The following TMEM131 variants were observed in gnomAD, a reference collection of about 807,000 sequenced individuals.
TMEM131 encodes transmembrane protein 131.
TMEM131 carries 66 observed loss-of-function variants against 211.6 expected under a neutral mutation model. The ratio of observed to expected loss-of-function variants is 0.31; its 90% CI spans 0.26 to 0.38. The LOEUF (loss-of-function observed/expected upper bound fraction) is 0.38. Ranked by LOEUF, TMEM131 falls within the 10% of genes least tolerant of loss-of-function variation. The pLI is 1.00. For missense variants in TMEM131, 2,036 were observed against 2,299.3 expected (o/e 0.89, Z 2.34); for synonymous variants, 844 against 841.3 (o/e 1.00, Z -0.06).
At chr2:97,831,311 G>A (rs540793348) in intron 11 of TMEM131, among the ~76,000 whole-genome samples, 2 of 152,194 alleles carry the variant, frequency 1.3e-5, no homozygotes, top group Non-Finnish European at 2.9e-5. Flanking sequence ...CAGAGTTCCA[G>A]AGAGCCCTGA....
At chr2:97,904,072 G>A (rs1364823696) in intron 3 of TMEM131, among the ~76,000 whole-genome samples, 1 of 152,134 alleles carries the variant, frequency 6.6e-6, no homozygotes, top group African/African-American at 2.4e-5. Context: ...CTAAAGAGAA[G>A]TGAAAATTAA....
intron 11 of TMEM131, among the ~76,000 whole-genome samples, chr2:97,825,389 G>T (rs903854340): frequency 1.3e-5 from 2 of 152,216 alleles, no homozygotes; most frequent in Non-Finnish European, 2.9e-5. Flanking sequence ...AGGGACCAGT[G>T]CCCTCAGCAA....
At chr2:97,886,986 C>T (rs544659341) in intron 4 of TMEM131, among the ~76,000 whole-genome samples, 94 of 152,342 alleles carry the variant, frequency 6.2e-4, no homozygotes, top group African/African-American at 1.9e-3. Context: ...AGGGATGGCC[C>T]GCAGGGCTGT....
intron 31 of TMEM131, among the ~76,000 whole-genome samples, chr2:97,789,888 C>T (rs1443462087): frequency 1.3e-5 from 2 of 152,178 alleles, no homozygotes; most frequent in African/African-American, 4.8e-5. Flanking sequence ...GCATCATCTT[C>T]CACTGGAAGC....
At chr2:97,798,393 A>G (rs556129871) in intron 25 of TMEM131, among the ~76,000 whole-genome samples, 1 of 152,354 alleles carries the variant, frequency 6.6e-6, no homozygotes, top group African/African-American at 2.4e-5. Context: ...AGGAGGGTGC[A>G]TTTTGTATTG....
At chr2:97,833,611 T>G (rs191402584) in intron 10 of TMEM131, among the ~76,000 whole-genome samples, 185 bp from the exon 11 acceptor site, 1 of 151,854 alleles carries the variant, frequency 6.6e-6, no homozygotes, top group East Asian at 1.9e-4. Context: ...TTATAAGAAC[T>G]GTTCCCTCTT....
At chr2:97,883,255 G>A (rs1387278358) in intron 4 of TMEM131, among the ~76,000 whole-genome samples, 1 of 152,220 alleles carries the variant, frequency 6.6e-6, no homozygotes, top group Non-Finnish European at 1.5e-5. Flanking sequence ...AGCGAAGTTT[G>A]TTTGTCTGTT....
intron 22 of TMEM131, among the ~76,000 whole-genome samples, chr2:97,804,631 A>AG (rs1681202446): frequency 6.6e-6 from 1 of 151,868 alleles, no homozygotes; most frequent in Non-Finnish European, 1.5e-5. Context: ...CAAAAAAAAA[A>AG]AAAAAAAAAA....
Position 97,798,460 on chromosome 2 carries a change from C to G in TMEM131, c.2719-944G>C, listed in dbSNP as rs889239385. ...TGTTTCACACATAGAGATCTAGCTA[C>G]TTGCTTCAGCATGATTCCACAAACA... On this transcript the variant is annotated intron_variant, in intron 25 of 40. Transcript: ENST00000186436. Among the ~76,000 whole-genome samples, 4 of 152,242 alleles carry G rather than the reference C, an allele frequency of 2.6e-5. No individual in the cohort carries two copies. In the East Asian group the frequency reaches 7.7e-4, roughly 29 times the overall value.
At chr2:97,801,305 C>T (rs1225561962) in intron 25 of TMEM131, among the ~76,000 whole-genome samples, 1 of 152,254 alleles carries the variant, frequency 6.6e-6, no homozygotes, top group Non-Finnish European at 1.5e-5. Context: ...TCCCAACACA[C>T]ACCCTTACAT....
intron 1 of TMEM131, among the ~76,000 whole-genome samples, chr2:97,964,945 G>A (rs1005621963): frequency 6.6e-6 from 1 of 152,148 alleles, no homozygotes; most frequent in African/African-American, 2.4e-5. Context: ...TTTCTAGGGT[G>A]CCAGATGAGT....
chr2:97,992,014 C>T (rs1044056425), intron 1 of TMEM131, among the ~76,000 whole-genome samples: 1 of 152,166 alleles, frequency 6.6e-6, no homozygotes, highest in Non-Finnish European at 1.5e-5. Context: ...CTCCATCAGG[C>T]AACAGCCTTT....
At chr2:97,817,199 G>C (rs1681868968) in intron 12 of TMEM131, among the ~76,000 whole-genome samples, 1 of 152,202 alleles carries the variant, frequency 6.6e-6, no homozygotes, top group Non-Finnish European at 1.5e-5. Flanking sequence ...ACAGGAGCTA[G>C]AGAAGAGTAG....
chr2:97,949,069 T>TC, intron 1 of TMEM131, among the ~76,000 whole-genome samples: 1 of 152,194 alleles, frequency 6.6e-6, no homozygotes, highest in African/African-American at 2.4e-5. Context: ...TGTACATGAA[T>TC]ATTTAGGGAA....
chr2:97,887,247 A>C (rs550687618), intron 4 of TMEM131, among the ~76,000 whole-genome samples: 2 of 152,264 alleles, frequency 1.3e-5, no homozygotes, highest in Non-Finnish European at 2.9e-5. Context: ...TGATGTGAGC[A>C]CAAAGCTGCT....
intron 31 of TMEM131, among the ~76,000 whole-genome samples, chr2:97,779,171 A>G (rs1221916006): frequency 6.6e-6 from 1 of 152,228 alleles, no homozygotes; most frequent in Non-Finnish European, 1.5e-5. Context: ...CCACTGGTCC[A>G]TGGTATCAAC....
intron 1 of TMEM131, among the ~76,000 whole-genome samples, chr2:97,972,502 GGGCAGGCAGGCA>G (rs569396801): frequency 1.0e-4 from 15 of 150,632 alleles, no homozygotes; most frequent in South Asian, 2.1e-4. Context: ...GCAGGCAGGC[GGGCAGGCAGGCA>G]GGCAGGCAGG....
rs541371039 is a variant in TMEM131, at chr2:97,980,965, A to G, written c.187+14511T>C. Reference sequence around the variant, plus strand: ...TTGGAGGGTAATGAAAATGTTCTGTATCCTGACTATGGTAGTGGTTATTCA... The same window carrying G: ...TTGGAGGGTAATGAAAATGTTCTGTGTCCTGACTATGGTAGTGGTTATTCA... On this transcript the variant is annotated intron_variant, in intron 1 of 40. Transcript: ENST00000186436. Among the ~76,000 whole-genome samples the G allele has an allele frequency of 8.6e-5, 12 of 139,670 alleles. No individual in the cohort carries two copies. The South Asian group carries it at 2.5e-3, about 29-fold the overall frequency. The allele number at this position is 139,670 out of a possible 152,430, so 91.6% of individuals were successfully genotyped here.
chr2:97,826,622 G>C (rs1430825320), intron 11 of TMEM131, among the ~76,000 whole-genome samples: 1 of 149,824 alleles, frequency 6.7e-6, no homozygotes, highest in East Asian at 1.9e-4. Flanking sequence ...CAGAGAGAAA[G>C]AGAAACAGTG....
Sources: gnomAD v4.1 joint callset for allele counts (sites outside exome capture counted in the v4.1 genomes callset) on GRCh38, gnomAD v4.1.1 for gene constraint, MANE v1.5 for transcripts, NCBI Gene and HGNC (gene_info 2026-07-23, HGNC 2026-07-21) for gene names.